The following CHN2 variants were observed in gnomAD, a reference collection of about 807,000 sequenced individuals.
CHN2 encodes chimerin 2.
CHN2 carries 35 observed loss-of-function variants against 56.3 expected under a neutral mutation model. The observed-to-expected ratio is 0.62, with a 90% CI of 0.47 to 0.82. CHN2 has a LOEUF of 0.82. CHN2 is among the 40% of genes least tolerant of loss of function. The pLI is 0.00. For synonymous variants in CHN2, 210 were observed against 212.8 expected, an observed-to-expected ratio of 0.99 and a Z score of 0.12; for missense variants, 491 against 580.5, an observed-to-expected ratio of 0.85 and a Z score of 1.58.
chr7:29,203,467 C>CA (rs11287820), intron 1 of CHN2, among the ~76,000 whole-genome samples: 2,585 of 53,900 alleles, frequency 0.048, 41 homozygotes, highest in Non-Finnish European at 0.072. Context: ...AACTCCGTCT[C>CA]AAAAAAAAAA....
intron 3 of CHN2, among the ~76,000 whole-genome samples, chr7:29,374,989 G>A (rs1562557734): frequency 6.6e-6 from 1 of 150,832 alleles, no homozygotes; most frequent in Non-Finnish European, 1.5e-5. Context: ...CCAGGTTCAA[G>A]CGATTCTTCT....
chr7:29,163,860 C>G (rs1375027250), intron 2 of CHN2, among the ~76,000 whole-genome samples: 3 of 152,200 alleles, frequency 2.0e-5, no homozygotes, highest in Admixed American at 6.5e-5. Context: ...ATAGTTCACT[C>G]CTTTTCATTG....
rs543633349 is a variant in CHN2, at chr7:29,385,661, C to T, written c.145-8018C>T. Among the ~76,000 whole-genome samples, 6 of 152,268 alleles carry T rather than the reference C, an allele frequency of 3.9e-5. No homozygotes were observed. In the East Asian group the frequency reaches 7.7e-4, roughly 20 times the overall value. On this transcript the variant is annotated intron_variant, in intron 3 of 12. Transcript: ENST00000222792. ...GAATTTTGAGCAGAGAACAATGTGACGAGATTTCCTCAGACTTTGACAAAT... is the reference window on the plus strand; with the variant it reads ...GAATTTTGAGCAGAGAACAATGTGATGAGATTTCCTCAGACTTTGACAAAT...
chr7:29,458,263 G>A (rs1784907251), intron 6 of CHN2, among the ~76,000 whole-genome samples: 2 of 152,104 alleles, frequency 1.3e-5, no homozygotes, highest in Admixed American at 6.5e-5. Context: ...TCTAAAACTA[G>A]TGGGATATGC....
chr7:29,502,580 C>A (rs972924908), intron 9 of CHN2, among the ~76,000 whole-genome samples: 1 of 152,140 alleles, frequency 6.6e-6, no homozygotes, highest in South Asian at 2.1e-4. Flanking sequence ...AAACTCTAAC[C>A]ATCCTTTATC....
chr7:29,468,681 C>T (rs1164252636), intron 6 of CHN2, among the ~76,000 whole-genome samples: 4 of 152,092 alleles, frequency 2.6e-5, no homozygotes, highest in Non-Finnish European at 1.5e-5. Flanking sequence ...TCTTAAAACA[C>T]GTGCAATCAG....
chr7:29,357,323 C>CCAT (rs1310849758), intron 2 of CHN2, among the ~76,000 whole-genome samples: 4 of 152,064 alleles, frequency 2.6e-5, no homozygotes, highest in African/African-American at 9.7e-5. Flanking sequence ...GGGGAGTATG[C>CCAT]CATCCACGGC....
At chr7:29,272,359 G>A (rs1790727559) in intron 1 of CHN2, among the ~76,000 whole-genome samples, 1 of 152,170 alleles carries the variant, frequency 6.6e-6, no homozygotes, top group Non-Finnish European at 1.5e-5. Context: ...GAGCTGAGGG[G>A]CTAAGGAAAG....
chr7:29,416,554 G>A (rs984112192), intron 6 of CHN2, among the ~76,000 whole-genome samples: 1 of 152,202 alleles, frequency 6.6e-6, no homozygotes, highest in Non-Finnish European at 1.5e-5. Flanking sequence ...AGTACACAGA[G>A]TTCCAGGCCC....
chr7:29,408,109 G>A (rs887438717), intron 6 of CHN2, among the ~76,000 whole-genome samples: 13 of 151,724 alleles, frequency 8.6e-5, no homozygotes, highest in South Asian at 2.1e-4. Flanking sequence ...AGAATCACCC[G>A]AACTCAGAAG....
intron 6 of CHN2, among the ~76,000 whole-genome samples, chr7:29,477,487 G>T (rs992175287): frequency 6.6e-6 from 1 of 152,224 alleles, no homozygotes; most frequent in Non-Finnish European, 1.5e-5. Context: ...GTATATTCAT[G>T]TCATTAGTCC....
At chr7:29,507,147 A>ATTT (rs11388362) in intron 10 of CHN2, 81 bp from the exon 11 acceptor site, 397 of 1,002,864 alleles carry the variant, frequency 4.0e-4, no homozygotes, top group South Asian at 6.4e-4. Flanking sequence ...TCATCGCTGG[A>ATTT]TTTTTTTTTT....
At chr7:29,289,179 G>A (rs958243023) in intron 1 of CHN2, 2 of 152,214 alleles carry the variant, frequency 1.3e-5, no homozygotes, top group African/African-American at 4.8e-5. Flanking sequence ...TGGCTTGTAG[G>A]TTGGACTTAA....
At chr7:29,221,853 G>T (rs578028851) in intron 1 of CHN2, among the ~76,000 whole-genome samples, 1 of 152,066 alleles carries the variant, frequency 6.6e-6, no homozygotes, top group Non-Finnish European at 1.5e-5. Flanking sequence ...TCTTTATCCA[G>T]TCTATCATTG....
intron 6 of CHN2, among the ~76,000 whole-genome samples, chr7:29,440,394 T>C (rs1783546330): frequency 6.6e-6 from 1 of 152,018 alleles, no homozygotes; most frequent in Non-Finnish European, 1.5e-5. Context: ...ATACAACAAT[T>C]AAAGAGTGCA....
intron 1 of CHN2, among the ~76,000 whole-genome samples, chr7:29,285,134 G>A (rs1450685093): frequency 6.6e-6 from 1 of 152,158 alleles, no homozygotes; most frequent in Non-Finnish European, 1.5e-5. Flanking sequence ...GAGAACCACT[G>A]ATCTGATCCA....
intron 1 of CHN2, among the ~76,000 whole-genome samples, chr7:29,211,320 C>T (rs538984059): frequency 1.3e-5 from 2 of 151,940 alleles, no homozygotes; most frequent in East Asian, 1.9e-4. Context: ...CCTCGTGATC[C>T]GCCTGCCTCA....
chr7:29,468,440 C>G lies in CHN2; in HGVS notation c.577-11839C>G, dbSNP rs1288662736. On this transcript the variant is annotated intron_variant, in intron 6 of 12. Coordinates refer to ENST00000222792, the MANE Select transcript of CHN2 (RefSeq NM_004067.4). ...GTGCACTGGCCTTGTTCTTGACTTG[C>G]AATCAGTAAGCAGTCAAACAATAAA... Among the ~76,000 whole-genome samples the G allele has an allele frequency of 1.4e-4, 21 of 152,192 alleles. No individual in the cohort carries two copies. In the East Asian group the frequency reaches 4.1e-3, roughly 29 times the overall value.
At chr7:29,240,213 C>T (rs1443519380) in intron 1 of CHN2, among the ~76,000 whole-genome samples, 1 of 152,196 alleles carries the variant, frequency 6.6e-6, no homozygotes, top group Non-Finnish European at 1.5e-5. Context: ...ACACTGTCCC[C>T]TGAGCCTGGC....
Sources: allele counts gnomAD v4.1 joint callset (sites outside exome capture counted in the v4.1 genomes callset), GRCh38; gene constraint gnomAD v4.1.1; transcripts MANE v1.5; gene names NCBI Gene and HGNC (gene_info 2026-07-23, HGNC 2026-07-21).